Variants in CACNB2 observed in about 807,000 individuals in gnomAD.
CACNB2 encodes the protein voltage-dependent L-type calcium channel subunit beta-2.
A neutral mutation model predicts 73.3 loss-of-function variants in CACNB2; 42 were observed. The ratio of observed to expected loss-of-function variants is 0.57; its 90% confidence interval spans 0.45 to 0.74. The LOEUF (loss-of-function observed/expected upper bound fraction) is 0.74. Among genes scored for constraint, CACNB2 ranks in the 30% least tolerant of loss-of-function variants. The pLI is 0.00. For synonymous variants in CACNB2, 348 were observed against 310.3 expected (o/e 1.12, Z -1.28); for missense variants, 940 against 853.0 (o/e 1.10, Z -1.27).
chr10:18,261,236 A>C (rs1366794839), intron 2 of CACNB2: 2 of 1,550,612 alleles, frequency 1.3e-6, no homozygotes, highest in Non-Finnish European at 1.7e-6. Flanking sequence ...CAGCTTGGTG[A>C]AGCCACACGC....
chr10:18,470,539 C>T (rs1279135606), intron 3 of CACNB2, among the ~76,000 whole-genome samples: 4 of 151,070 alleles, frequency 2.6e-5, no homozygotes, highest in Admixed American at 1.3e-4. Context: ...ATACTATTTA[C>T]GTTATTCTGT....
chr10:18,195,332 T>C (rs2482099), intron 2 of CACNB2, among the ~76,000 whole-genome samples: 134,982 of 152,216 alleles, frequency 0.89, 60,067 homozygotes, highest in African/African-American at 0.91. Context: ...TCATACCAGT[T>C]GAGGAAATGC....
At chr10:18,536,050 C>T (rs1472062512) in intron 11 of CACNB2, 51 bp from the exon 12 acceptor site, 1 of 1,114,578 alleles carries the variant, frequency 9.0e-7, no homozygotes. Context: ...GTACCTTGTA[C>T]TTTACCTGGA....
At chr10:18,153,971 C>A (rs76013009) in intron 2 of CACNB2, among the ~76,000 whole-genome samples, 4,748 of 150,762 alleles carry the variant, frequency 0.031, 197 homozygotes, top group African/African-American at 0.092. Context: ...TGACTTGCAT[C>A]GACACATATT....
intron 3 of CACNB2, among the ~76,000 whole-genome samples, chr10:18,495,576 T>TG (rs2049753120): frequency 7.0e-6 from 1 of 143,638 alleles, no homozygotes; most frequent in Non-Finnish European, 1.5e-5. Context: ...TGTGTGTGTG[T>TG]GTGTGTGTGT....
chr10:18,239,487 G>T (rs2036568727), intron 2 of CACNB2, among the ~76,000 whole-genome samples: 1 of 152,102 alleles, frequency 6.6e-6, no homozygotes, highest in African/African-American at 2.4e-5. Context: ...CTTTTTAAGG[G>T]TTGGGTAGTA....
At chr10:18,507,238 G>C (rs1006296019) in intron 6 of CACNB2, among the ~76,000 whole-genome samples, 1 of 152,154 alleles carries the variant, frequency 6.6e-6, no homozygotes, top group Non-Finnish European at 1.5e-5. Context: ...GAAAGGTAAG[G>C]AACAGAGGGT....
chr10:18,173,754 A>G (rs1343401058), intron 2 of CACNB2, among the ~76,000 whole-genome samples: 1 of 152,164 alleles, frequency 6.6e-6, no homozygotes, highest in Non-Finnish European at 1.5e-5. Flanking sequence ...GGCCCAGGAC[A>G]TTGTATGTTT....
At chr10:18,406,377 G>A (rs949792494) in intron 3 of CACNB2, among the ~76,000 whole-genome samples, 1 of 152,162 alleles carries the variant, frequency 6.6e-6, no homozygotes, top group Non-Finnish European at 1.5e-5. Flanking sequence ...CACAGCAGGA[G>A]GTGAACAGCA....
chr10:18,506,602 C>T, intron 6 of CACNB2, 55 bp downstream of exon 6: 1 of 1,120,960 alleles, frequency 8.9e-7, no homozygotes. Context: ...CTTTCCCCAG[C>T]TCTATCCAGT....
At chr10:18,375,888 A>T (rs1192234951) in intron 2 of CACNB2, among the ~76,000 whole-genome samples, 3 of 152,216 alleles carry the variant, frequency 2.0e-5, no homozygotes, top group Non-Finnish European at 1.5e-5. Context: ...GGATTTAATC[A>T]CTGGATTAAA....
chr10:18,299,370 C>A (rs1285365275), intron 2 of CACNB2, among the ~76,000 whole-genome samples: 1 of 152,090 alleles, frequency 6.6e-6, no homozygotes, highest in Admixed American at 6.5e-5. Context: ...TGAGTTTTCC[C>A]AAGGAAAAGC....
intron 11 of CACNB2, among the ~76,000 whole-genome samples, chr10:18,534,706 TAAA>T: frequency 6.6e-6 from 1 of 152,206 alleles, no homozygotes; most frequent in African/African-American, 2.4e-5. Context: ...TTACTTTTAT[TAAA>T]TCTTGACTTT....
chr10:18,451,774 T>G (rs544714585), intron 3 of CACNB2, among the ~76,000 whole-genome samples: 1 of 152,208 alleles, frequency 6.6e-6, no homozygotes, highest in Non-Finnish European at 1.5e-5. Flanking sequence ...ACTACAGATA[T>G]TGACAAGCTA....
At chr10:18,532,315 T>G (rs1438980909) in intron 10 of CACNB2, among the ~76,000 whole-genome samples, 1 of 152,066 alleles carries the variant, frequency 6.6e-6, no homozygotes, top group Non-Finnish European at 1.5e-5. Flanking sequence ...GTTAATATAT[T>G]GACATAATAT....
chr10:18,315,977 G>A (rs2040168255), intron 2 of CACNB2, among the ~76,000 whole-genome samples: 1 of 152,076 alleles, frequency 6.6e-6, no homozygotes, highest in African/African-American at 2.4e-5. Context: ...TGAGTTTTGA[G>A]TATTGTCTTT....
At chr10:18,400,925 G>T in intron 2 of CACNB2, 9 of 1,579,580 alleles carry the variant, frequency 5.7e-6, no homozygotes, top group Non-Finnish European at 7.7e-6. Context: ...ACAGGGGCTT[G>T]CCCAGAGCAT....
At chr10:18,438,319 G>A (rs1204075540) in intron 3 of CACNB2, among the ~76,000 whole-genome samples, 4 of 151,386 alleles carry the variant, frequency 2.6e-5, no homozygotes, top group South Asian at 4.2e-4. Flanking sequence ...GTGAGCCACC[G>A]CGCCCTGCCC....
intron 3 of CACNB2, among the ~76,000 whole-genome samples, chr10:18,439,661 A>G (rs1314581854): frequency 6.6e-6 from 1 of 152,128 alleles, no homozygotes; most frequent in East Asian, 1.9e-4. Flanking sequence ...GTAAATTGGG[A>G]TGTTTAAAGT....
Sources: gnomAD v4.1 joint callset for allele counts (sites outside exome capture counted in the v4.1 genomes callset) on GRCh38, gnomAD v4.1.1 for gene constraint, MANE v1.5 for transcripts, NCBI Gene and HGNC (gene_info 2026-07-23, HGNC 2026-07-21) for gene names.